Variants in SNX1 observed in about 807,000 individuals in gnomAD.
The protein encoded by SNX1 is sorting nexin 1, also known as sorting nexin-1.
Under a neutral mutation model 71.8 loss-of-function variants are expected in SNX1, and 36 were observed. The ratio of observed to expected loss-of-function variants is 0.50; its 90% CI spans 0.38 to 0.66. SNX1 has a LOEUF of 0.66. Ranked by LOEUF, SNX1 falls within the 30% of genes least tolerant of loss-of-function variation. The pLI is 0.00. For synonymous variants in SNX1, 254 were observed against 240.7 expected, an observed-to-expected ratio of 1.06 and a Z score of -0.51; for missense variants, 612 against 646.7, an observed-to-expected ratio of 0.95 and a Z score of 0.58.
At chr15:64,111,846 A>G (rs1347191898) in intron 1 of SNX1, among the ~76,000 whole-genome samples, 1 of 152,134 alleles carries the variant, frequency 6.6e-6, no homozygotes, top group Non-Finnish European at 1.5e-5. Context: ...GTTCTGCACA[A>G]TCCAGCTTTG....
chr15:64,134,946 C>A lies in SNX1; in HGVS notation c.1365+139C>A. On this transcript the variant is annotated intron_variant, in intron 12 of 14. Transcript: ENST00000559844. This position sits in a 1 kb window ranked among gnomAD's most constrained non-coding sequence, Gnocchi z 4.1. ...TAAAGGGCCGTGGCTGCTGAGGAAG[C>A]CTCTGAGAATGACTCCAGGCCTTCC... The A allele has an allele frequency of 8.7e-7, 1 of 1,150,048 alleles. No individual in the cohort carries two copies. 71.2% of individuals were successfully genotyped at this position (1,150,048 alleles called of 1,614,324 possible). A position where few individuals can be genotyped will look rare whatever the true frequency, so the allele number is the denominator to read the frequency against.
intron 11 of SNX1, chr15:64,132,229 T>G (rs552731208): frequency 6.3e-6 from 2 of 315,000 alleles, no homozygotes; most frequent in East Asian, 8.0e-5. Context: ...CCTACTCTCT[T>G]GGTCCCCTGG....
rs907005164 is a variant in SNX1, at chr15:64,140,284, C to T, written c.*2666C>T. On this transcript the variant is annotated 3_prime_UTR_variant, in exon 15 of 15. Transcript: ENST00000559844. ...ATACAAAGAAAAACATCCTTTCTCA[C>T]CATTTATTTATTCACTTGTTTATCA... 2 of 152,220 alleles carry T rather than the reference C, an allele frequency of 1.3e-5. No homozygotes were observed. The highest frequency in any genetic ancestry group is 4.8e-5 in the African/African-American group (2 of 41,456). The allele number at this position is 152,220 out of a possible 1,614,324, so 9.4% of individuals were successfully genotyped here. A position where few individuals can be genotyped will look rare whatever the true frequency, so the allele number is the denominator to read the frequency against.
intron 1 of SNX1, among the ~76,000 whole-genome samples, chr15:64,103,558 A>G (rs984991675): frequency 1.3e-5 from 2 of 152,190 alleles, no homozygotes; most frequent in Admixed American, 6.5e-5. Flanking sequence ...TATTGGAATG[A>G]TCTGTTTCTT....
intron 1 of SNX1, among the ~76,000 whole-genome samples, chr15:64,099,672 G>A (rs1236445725): frequency 6.6e-6 from 1 of 152,128 alleles, no homozygotes; most frequent in Non-Finnish European, 1.5e-5. Context: ...CAAAACTAGT[G>A]ATATTTATTT....
At chr15:64,121,577 A>T (rs1037280997) in intron 4 of SNX1, among the ~76,000 whole-genome samples, 1 of 152,238 alleles carries the variant, frequency 6.6e-6, no homozygotes, top group African/African-American at 2.4e-5. Flanking sequence ...ACTCAGTTAC[A>T]TCGGTAAAGA....
At chr15:64,137,237 AGGCTGAG>A in intron 14 of SNX1, among the ~76,000 whole-genome samples, 1 of 152,332 alleles carries the variant, frequency 6.6e-6, no homozygotes, top group Non-Finnish European at 1.5e-5. Context: ...GGCCCTCCTG[AGGCTGAG>A]GCCTCATCGG....
chr15:64,110,417 G>GA (rs2081067216), intron 1 of SNX1, among the ~76,000 whole-genome samples: 7 of 152,114 alleles, frequency 4.6e-5, no homozygotes, highest in African/African-American at 1.7e-4. Flanking sequence ...TTGTTTTTGA[G>GA]GCAGGGTTTT....
rs2081402451 is a variant in SNX1 at position 64,140,557 on chromosome 15, G to T, written c.*2939G>T. 1 of 152,098 alleles carries T rather than the reference G, an allele frequency of 6.6e-6. No individual in the cohort carries two copies. The highest frequency in any genetic ancestry group is 2.4e-5 in the African/African-American group (1 of 41,408). 9.4% of individuals were successfully genotyped at this position (152,098 alleles called of 1,614,324 possible). A position where few individuals can be genotyped will look rare whatever the true frequency, so the allele number is the denominator to read the frequency against. Reference sequence around the variant, plus strand: ...TCTTGGTTCCTTATAATGGAGAATGGTATTTATTTATTTTTATTTGATTTG... The same window carrying T: ...TCTTGGTTCCTTATAATGGAGAATGTTATTTATTTATTTTTATTTGATTTG... On this transcript the variant is annotated 3_prime_UTR_variant, in exon 15 of 15. Transcript: ENST00000559844.
At chr15:64,124,170 A>ATATATATATATATATATATG (rs2081225573) in intron 5 of SNX1, among the ~76,000 whole-genome samples, 2 of 82,848 alleles carry the variant, frequency 2.4e-5, no homozygotes, top group African/African-American at 6.6e-5. Context: ...ATATATATAT[A>ATATATATATATATATATATG]TATATATATG....
chr15:64,119,449 G>T (rs1186088069), intron 4 of SNX1, among the ~76,000 whole-genome samples: 2 of 152,066 alleles, frequency 1.3e-5, no homozygotes, highest in African/African-American at 2.4e-5. Context: ...ACCCCAACAG[G>T]CCAGCCATGG....
At chr15:64,124,800 T>C (rs1019947994) in intron 5 of SNX1, among the ~76,000 whole-genome samples, 3 of 152,200 alleles carry the variant, frequency 2.0e-5, no homozygotes, top group Non-Finnish European at 4.4e-5. Context: ...GAATACAAAC[T>C]GTTTTTTAAA....
At chr15:64,119,991 C>A (rs752227411) in intron 4 of SNX1, among the ~76,000 whole-genome samples, 2 of 152,108 alleles carry the variant, frequency 1.3e-5, no homozygotes, top group Admixed American at 1.3e-4. Flanking sequence ...GAAGTTAGAT[C>A]TTCAAAAAGC....
chr15:64,124,926 A>C (rs918128855), intron 5 of SNX1, among the ~76,000 whole-genome samples: 1 of 152,180 alleles, frequency 6.6e-6, no homozygotes, highest in African/African-American at 2.4e-5. Flanking sequence ...GGTGAGTTTA[A>C]AGTGAACTCT....
Position 64,127,821 on chromosome 15 carries a change from C to A in SNX1, c.807+15C>A. 6.3e-7 allele frequency: 1 copy of A among 1,590,262 alleles called. No individual in the cohort carries two copies. Among genetic ancestry groups the A allele is most frequent in the Non-Finnish European group, 8.6e-7 (1 of 1,159,032 alleles). ...AAAAAGAAGAGGTTAGTATTCAGTG[C>A]AAACTGAATTTCATAATTTATATCT... On this transcript the variant is annotated intron_variant, in intron 8 of 14. Coordinates refer to ENST00000559844, the MANE Select transcript of SNX1 (RefSeq NM_003099.5).
intron 2 of SNX1, 68 bp downstream of exon 2, chr15:64,112,752 T>C: frequency 1.1e-6 from 1 of 943,706 alleles, no homozygotes; most frequent in Non-Finnish European, 1.6e-6. Flanking sequence ...TGAGTTAAAG[T>C]CAAAACCAAA....
Position 64,117,792 on chromosome 15 carries a change from A to C in SNX1, c.272-325A>C, listed in dbSNP as rs187263422. Among the ~76,000 whole-genome samples the C allele has an allele frequency of 2.5e-3, 377 of 152,236 alleles. 2 individuals are homozygous for C. The highest frequency in any genetic ancestry group is 8.8e-3 in the African/African-American group (366 of 41,546). ...GGGTGACAGAGTGACACTCTGTCTA[A>C]AAAATAAATAAAATTGATAAACTTA... On this transcript the variant is annotated intron_variant, in intron 2 of 14. Coordinates refer to ENST00000559844, the MANE Select transcript of SNX1 (RefSeq NM_003099.5).
rs2081417279 is a variant in SNX1, at chr15:64,141,866, A to T, written c.*4248A>T. Reference sequence around the variant, plus strand: ...TCAGGAGAGTTTCGGAACCACTGAGATCGGTCCTTGATTTGATGAGAGGCT... The same window carrying T: ...TCAGGAGAGTTTCGGAACCACTGAGTTCGGTCCTTGATTTGATGAGAGGCT... On this transcript the variant is annotated 3_prime_UTR_variant, in exon 15 of 15. Coordinates refer to ENST00000559844, the MANE Select transcript of SNX1 (RefSeq NM_003099.5). The surrounding 1 kb of genome is among the most constrained non-coding windows in gnomAD (Gnocchi z 5.1). 1 of 152,290 alleles carries T rather than the reference A, an allele frequency of 6.6e-6. No individual in the cohort carries two copies. Among genetic ancestry groups the T allele is most frequent in the African/African-American group, 2.4e-5 (1 of 41,432 alleles). 9.4% of individuals were successfully genotyped at this position (152,290 alleles called of 1,614,324 possible). A position where few individuals can be genotyped will look rare whatever the true frequency, so the allele number is the denominator to read the frequency against.
rs2081412972 is a variant in SNX1 at position 64,141,375 on chromosome 15, A to C, written c.*3757A>C. 1 of 152,176 alleles carries C rather than the reference A, an allele frequency of 6.6e-6. No homozygotes were observed. The highest frequency in any genetic ancestry group is 6.5e-5 in the Admixed American group (1 of 15,278). 9.4% of individuals were successfully genotyped at this position (152,176 alleles called of 1,614,324 possible). A position where few individuals can be genotyped will look rare whatever the true frequency, so the allele number is the denominator to read the frequency against. On this transcript the variant is annotated 3_prime_UTR_variant, in exon 15 of 15. Transcript: ENST00000559844. The surrounding 1 kb of genome is among the most constrained non-coding windows in gnomAD (Gnocchi z 5.1). ...TCTTTAGGGCTTGTGCATTTTTGTA[A>C]AGAGCTTGCACGTGTGGAAATCAAG...
Sources: allele counts gnomAD v4.1 joint callset (sites outside exome capture counted in the v4.1 genomes callset), GRCh38; gene constraint gnomAD v4.1.1; non-coding constraint Gnocchi (gnomAD v3.1); transcripts MANE v1.5; gene names NCBI Gene and HGNC (gene_info 2026-07-23, HGNC 2026-07-21).